The following MINDY3 variants were observed in gnomAD, a reference collection of about 807,000 sequenced individuals.
The protein encoded by MINDY3 is ubiquitin carboxyl-terminal hydrolase MINDY-3.
Under a neutral mutation model 69.2 loss-of-function variants are expected in MINDY3, and 38 were observed. The observed-to-expected ratio is 0.55, with a 90% CI of 0.42 to 0.72. The LOEUF is 0.72. Among genes scored for constraint, MINDY3 ranks in the 30% least tolerant of loss-of-function variants. The pLI is 0.00. For missense variants in MINDY3, 522 were observed against 519.0 expected, an observed-to-expected ratio of 1.01 and a Z score of -0.06; for synonymous variants, 192 against 180.1, an observed-to-expected ratio of 1.07 and a Z score of -0.53.
At chr10:15,836,537 A>T (rs1406040910) in intron 6 of MINDY3, among the ~76,000 whole-genome samples, 2 of 151,976 alleles carry the variant, frequency 1.3e-5, no homozygotes, top group Non-Finnish European at 2.9e-5. Flanking sequence ...TTGATTTCAG[A>T]CATGATAGAT....
intron 12 of MINDY3, among the ~76,000 whole-genome samples, chr10:15,788,104 T>C (rs1407020422): frequency 6.6e-6 from 1 of 152,114 alleles, no homozygotes; most frequent in Non-Finnish European, 1.5e-5. Flanking sequence ...TTTCTCTTCC[T>C]TGTCTTAGGC....
intron 8 of MINDY3, 42 bp downstream of exon 8, chr10:15,833,588 A>G: frequency 8.1e-7 from 1 of 1,230,632 alleles, no homozygotes; most frequent in Non-Finnish European, 1.2e-6. Context: ...CCAATGAAAT[A>G]TTATTCATCA....
intron 8 of MINDY3, among the ~76,000 whole-genome samples, chr10:15,823,911 C>T (rs565031856): frequency 1.3e-5 from 2 of 152,218 alleles, no homozygotes; most frequent in South Asian, 4.1e-4. Flanking sequence ...TTGTCTTTTT[C>T]TTCCTGGCTT....
chr10:15,847,321 G>A (rs2132114342), intron 2 of MINDY3, among the ~76,000 whole-genome samples: 1 of 152,244 alleles, frequency 6.6e-6, no homozygotes, highest in African/African-American at 2.4e-5. Context: ...CCTATGTTTT[G>A]TGCAAAGAAA....
chr10:15,829,123 G>A (rs1840286383), intron 8 of MINDY3, among the ~76,000 whole-genome samples: 1 of 152,178 alleles, frequency 6.6e-6, no homozygotes, highest in Non-Finnish European at 1.5e-5. Context: ...AGGTGTAATA[G>A]AATGAAGCCG....
In MINDY3 at chr10:15,835,048, A is replaced by T. The variant is rs187892834; in HGVS notation, c.577-432T>A. Among the ~76,000 whole-genome samples the T allele has an allele frequency of 9.2e-5, 14 of 152,252 alleles. No homozygotes were observed. In the East Asian group the frequency reaches 2.5e-3, roughly 27 times the overall value. On this transcript the variant is annotated intron_variant, in intron 6 of 14. Coordinates refer to ENST00000277632, the MANE Select transcript of MINDY3 (RefSeq NM_024948.4). ...AATATCGATAGAGATATAACATTAA[A>T]TAATTTGCGTTTTAATTATTTAACT...
rs1197306908 is a variant in MINDY3 at position 15,779,461 on chromosome 10, C to CTTAA, written c.1189-324_1189-321dup. On this transcript the variant is annotated intron_variant, in intron 14 of 14. Transcript: ENST00000277632. ...GGATCTATACCATCGGAAAGAAATG[C>CTTAA]TTAATTATCATATTTACATATAATT... Among the ~76,000 whole-genome samples, 12 of 152,206 alleles carry CTTAA rather than the reference C, an allele frequency of 7.9e-5. No homozygotes were observed. In the East Asian group the frequency reaches 2.3e-3, roughly 29 times the overall value.
intron 10 of MINDY3, among the ~76,000 whole-genome samples, chr10:15,806,174 G>A (rs756101484): frequency 6.6e-5 from 10 of 152,182 alleles, no homozygotes; most frequent in Admixed American, 3.9e-4. Context: ...ATTCTGGCTG[G>A]GGCTGTATGT....
intron 1 of MINDY3, among the ~76,000 whole-genome samples, chr10:15,848,664 A>G (rs1834045635): frequency 2.2e-5 from 2 of 90,960 alleles, no homozygotes; most frequent in South Asian, 6.9e-4. Flanking sequence ...AAAAAAAAAG[A>G]AAGAAAAATT....
chr10:15,813,291 C>G (rs751758661), intron 10 of MINDY3, among the ~76,000 whole-genome samples: 1 of 152,156 alleles, frequency 6.6e-6, no homozygotes, highest in African/African-American at 2.4e-5. Flanking sequence ...TTTGTTCTCA[C>G]CCAAGTTCAT....
chr10:15,855,954 C>A (rs563813374), intron 1 of MINDY3, among the ~76,000 whole-genome samples: 1 of 151,828 alleles, frequency 6.6e-6, no homozygotes, highest in South Asian at 2.1e-4. Flanking sequence ...TTCAAAGTAC[C>A]AAGGAATTAA....
At chr10:15,796,002 AATAATCCAAT>A (rs1837790877) in intron 11 of MINDY3, 88 bp downstream of exon 11, 4 of 918,012 alleles carry the variant, frequency 4.4e-6, no homozygotes, top group Non-Finnish European at 6.9e-6. Flanking sequence ...CATTTCATTA[AATAATCCAAT>A]ATATCTTTTG....
intron 10 of MINDY3, among the ~76,000 whole-genome samples, chr10:15,814,526 G>C (rs1157187155): frequency 6.7e-6 from 1 of 149,534 alleles, no homozygotes; most frequent in Non-Finnish European, 1.5e-5. Flanking sequence ...TCTCAAAACA[G>C]TAACAATTAG....
At chr10:15,822,506 G>T (rs182305869) in intron 8 of MINDY3, among the ~76,000 whole-genome samples, 2 of 152,124 alleles carry the variant, frequency 1.3e-5, no homozygotes, top group Non-Finnish European at 2.9e-5. Context: ...ATGAAAAATC[G>T]ATGCATTTAA....
chr10:15,842,087 C>T (rs1307285890), intron 3 of MINDY3, among the ~76,000 whole-genome samples: 2 of 151,724 alleles, frequency 1.3e-5, no homozygotes, highest in Admixed American at 1.3e-4. Flanking sequence ...TTACCAAAGT[C>T]CATTACATCA....
intron 10 of MINDY3, among the ~76,000 whole-genome samples, chr10:15,809,219 G>A (rs2131945502): frequency 6.6e-6 from 1 of 152,228 alleles, no homozygotes; most frequent in African/African-American, 2.4e-5. Context: ...ATGCCCTAAT[G>A]TTTGAACACT....
At chr10:15,816,954 T>C (rs1371723210) in intron 9 of MINDY3, 39 bp from the exon 10 acceptor site, 1 of 1,427,214 alleles carries the variant, frequency 7.0e-7, no homozygotes, top group Admixed American at 1.8e-5. Context: ...ATAAACAAAT[T>C]AAAAATTTAT....
In MINDY3 at chr10:15,854,774, C is replaced by A. The variant is rs138790292; in HGVS notation, c.94+5432G>T. On this transcript the variant is annotated intron_variant, in intron 1 of 14. Transcript: ENST00000277632. ...AATTTTCTCCAGCAATACACAGCAGCCTGGGAGATCAAAAATAGGACAAAT... is the reference window on the plus strand; with the variant it reads ...AATTTTCTCCAGCAATACACAGCAGACTGGGAGATCAAAAATAGGACAAAT... Among the ~76,000 whole-genome samples, 399 of 152,036 alleles carry A rather than the reference C, an allele frequency of 2.6e-3. 1 individual carries two copies. Among genetic ancestry groups the A allele is most frequent in the African/African-American group, 8.2e-3 (339 of 41,480 alleles).
chr10:15,853,726 A>T (rs1834478418), intron 1 of MINDY3, among the ~76,000 whole-genome samples: 1 of 147,198 alleles, frequency 6.8e-6, no homozygotes, highest in African/African-American at 2.5e-5. Flanking sequence ...CTGCAAGCTG[A>T]ACCAGCTACT....
Sources: allele counts gnomAD v4.1 joint callset (sites outside exome capture counted in the v4.1 genomes callset), GRCh38; gene constraint gnomAD v4.1.1; transcripts MANE v1.5; gene names NCBI Gene and HGNC (gene_info 2026-07-23, HGNC 2026-07-21).